The following MRC2 variants were observed in gnomAD, a reference collection of about 807,000 sequenced individuals.
MRC2 encodes mannose receptor C-type 2, also known as C-type mannose receptor 2.
A neutral mutation model predicts 206.2 loss-of-function variants in MRC2; 84 were observed. That is an observed-to-expected ratio of 0.41 (90% CI 0.34 to 0.49). MRC2 has a LOEUF of 0.49. MRC2 is among the 20% of genes least tolerant of loss of function. MRC2 has a pLI of 0.31. For synonymous variants in MRC2, 798 were observed against 800.0 expected (o/e 1.00, Z 0.04); for missense variants, 1,676 against 2,001.5 (o/e 0.84, Z 3.10).
chr17:62,646,844 A>C (rs1307305132), intron 1 of MRC2, among the ~76,000 whole-genome samples: 1 of 152,248 alleles, frequency 6.6e-6, no homozygotes, highest in Non-Finnish European at 1.5e-5. Context: ...TACCAAATAC[A>C]TTAATTGTAG....
Position 62,666,841 on chromosome 17 carries a change from C to G in MRC2, c.944C>G (p.Ser315Trp). The change falls in exon 5 of 30, where the codon TCG becomes TGG. Residue 315 changes from serine (S) to tryptophan (W), a missense_variant. Physicochemically the swap from Ser to Trp is radical, Grantham distance 177. Around this residue, in one of 3 missense-constraint regions of MRC2, gnomAD observed 1,354 missense variants for 1,636.6 expected, o/e 0.83. Transcript: ENST00000303375. This position sits in a 1 kb window ranked among gnomAD's most constrained non-coding sequence, Gnocchi z 5.0. Reference sequence around the variant, plus strand: ...GGAGGCTGGCAGTGGTCGGACAACTCGCCCCTCAAGTACCTCAACTGGGAG... The same window carrying G: ...GGAGGCTGGCAGTGGTCGGACAACTGGCCCCTCAAGTACCTCAACTGGGAG... ...TSGGWQWSDN[S>W]PLKYLNWESD... is the part of the protein sequence containing the mutation. 6.2e-7 allele frequency: 1 copy of G among 1,613,802 alleles called. No individual in the cohort carries two copies. The highest frequency in any genetic ancestry group is 8.5e-7 in the Non-Finnish European group (1 of 1,179,948).
At chr17:62,689,782 C>T in intron 24 of MRC2, 22 bp downstream of exon 24, 2 of 1,534,028 alleles carry the variant, frequency 1.3e-6, no homozygotes, top group African/African-American at 1.4e-5. Context: ...ACACTTTTGC[C>T]CTGGGCCCCA....
chr17:62,676,301 C>T lies in MRC2; in HGVS notation c.1686-82C>T, dbSNP rs560419874. On this transcript the variant is annotated intron_variant, in intron 10 of 29. Coordinates refer to ENST00000303375, the MANE Select transcript of MRC2 (RefSeq NM_006039.5). ...TTATTGGTCGGGTGCAGCACCCGAG[C>T]TCCCACGGTAGGGCGTCTGGCCTGT... The T allele has an allele frequency of 2.3e-5, 36 of 1,553,668 alleles. No individual in the cohort carries two copies. The African/African-American group carries it at 4.2e-4, about 18-fold the overall frequency.
chr17:62,657,924 C>A (rs1048048502), intron 1 of MRC2, among the ~76,000 whole-genome samples: 3 of 152,152 alleles, frequency 2.0e-5, no homozygotes, highest in African/African-American at 7.2e-5. Flanking sequence ...CTGACCCCGG[C>A]TTGGCAGAGT....
intron 1 of MRC2, among the ~76,000 whole-genome samples, chr17:62,629,852 G>A (rs1210162640): frequency 6.6e-6 from 1 of 152,236 alleles, no homozygotes; most frequent in Non-Finnish European, 1.5e-5. Context: ...GTGCTGCTGG[G>A]GGCGAGGCTT....
rs2088838987 is a variant in MRC2 at position 62,672,549 on chromosome 17, C to G, written c.1461+397C>G. ...CAAGCAGGGCTGCACTCTGCCAGCC[C>G]TCGCCCCCAGTGCTCTACCCAGTCC... On this transcript the variant is annotated intron_variant, in intron 8 of 29. Coordinates refer to ENST00000303375, the MANE Select transcript of MRC2 (RefSeq NM_006039.5). The surrounding 1 kb of genome is among the most constrained non-coding windows in gnomAD (Gnocchi z 4.5). 6.6e-6 allele frequency among the ~76,000 whole-genome samples: 1 copy of G among 152,212 alleles called. No individual in the cohort carries two copies. The highest frequency in any genetic ancestry group is 1.5e-5 in the Non-Finnish European group (1 of 68,034).
chr17:62,637,725 T>A (rs186043425), intron 1 of MRC2, among the ~76,000 whole-genome samples: 119 of 152,132 alleles, frequency 7.8e-4, no homozygotes, highest in African/African-American at 2.7e-3. Context: ...CTCACACCTG[T>A]GACCTTCTGA....
chr17:62,673,226 A>T (rs1353940254), intron 8 of MRC2, among the ~76,000 whole-genome samples: 1 of 152,144 alleles, frequency 6.6e-6, no homozygotes, highest in African/African-American at 2.4e-5. Flanking sequence ...CTGCCCTCAG[A>T]ATGGAGCTTA....
At chr17:62,677,139 A>G (rs1338315547) in intron 11 of MRC2, 130 bp from the exon 12 acceptor site, 1 of 708,984 alleles carries the variant, frequency 1.4e-6, no homozygotes, top group Non-Finnish European at 2.3e-6. Flanking sequence ...AACCCCAGAG[A>G]GCATGTCTCT....
At chr17:62,647,126 A>G (rs929557735) in intron 1 of MRC2, among the ~76,000 whole-genome samples, 3 of 152,046 alleles carry the variant, frequency 2.0e-5, no homozygotes, top group African/African-American at 7.2e-5. Flanking sequence ...CTTTCTAGAC[A>G]TTACTTGATT....
Position 62,688,861 on chromosome 17 carries a change from G to A in MRC2, c.3235G>A (p.Ala1079Thr), listed in dbSNP as rs1302719031. The A allele has an allele frequency of 6.2e-7, 1 of 1,611,440 alleles. No homozygotes were observed. The highest frequency in any genetic ancestry group is 1.7e-5 in the Admixed American group (1 of 59,826). ...AGCTCCCTCCCCCCAGACCAGCTGT[G>A]CAGTGGTCCTGCACAGCCCCTCAGC... ...APSGNKPTSCAVVLHSPSAHF... is the reference protein window; with the variant it reads ...APSGNKPTSCTVVLHSPSAHF... Residue 1079 changes from alanine to threonine, a missense_variant, in exon 23 of 30, where the codon GCA (alanine) becomes ACA (threonine). Physicochemically the swap from Ala to Thr is moderately conservative, Grantham distance 58 (BLOSUM62 0). Transcript: ENST00000303375.
At position 62,688,568 on chromosome 17, in the gene MRC2, G is replaced by A; in HGVS notation, c.3129G>A (p.Arg1043=). The A allele has an allele frequency of 6.2e-7, 1 of 1,614,254 alleles. No homozygotes were observed. The highest frequency in any genetic ancestry group is 8.5e-7 in the Non-Finnish European group (1 of 1,180,046). ...DLWIGLHASQ[R]DFQWVEQEPL... Reference sequence around the variant, plus strand: ...GGATTGGCCTCCATGCCTCGCAGAGGGACTTCCAGTGGGTGGAGCAGGAGC... The same window carrying A: ...GGATTGGCCTCCATGCCTCGCAGAGAGACTTCCAGTGGGTGGAGCAGGAGC... The change falls in exon 22 of 30, where the codon AGG becomes AGA. Residue 1043 remains arginine, a synonymous_variant. Coordinates refer to ENST00000303375, the MANE Select transcript of MRC2 (RefSeq NM_006039.5).
At chr17:62,630,623 G>A (rs1255166755) in intron 1 of MRC2, among the ~76,000 whole-genome samples, 1 of 152,154 alleles carries the variant, frequency 6.6e-6, no homozygotes, top group Non-Finnish European at 1.5e-5. Flanking sequence ...GGGAACCCCA[G>A]GGGACCCTTG....
intron 1 of MRC2, among the ~76,000 whole-genome samples, chr17:62,634,746 A>C (rs1192338227): frequency 6.6e-6 from 1 of 151,904 alleles, no homozygotes; most frequent in African/African-American, 2.4e-5. Context: ...ACCTCTTGGG[A>C]ACGCAGCCCA....
chr17:62,660,262 T>C (rs1172736325), intron 1 of MRC2, among the ~76,000 whole-genome samples: 1 of 152,156 alleles, frequency 6.6e-6, no homozygotes, highest in Admixed American at 6.5e-5. Context: ...ATACAGAAAG[T>C]GGCAGTTTTA....
Position 62,638,002 on chromosome 17 carries a change from G to A in MRC2, c.118+10082G>A, listed in dbSNP as rs372787488. Among the ~76,000 whole-genome samples, 18 of 152,114 alleles carry A rather than the reference G, an allele frequency of 1.2e-4. No homozygotes were observed. The East Asian group carries it at 1.9e-3, about 16-fold the overall frequency. ...GCCTTAGCTTCCCAAGTAGCTGGACGACAGGCGGCGCCACCACTCTATTTT... is the reference window on the plus strand; with the variant it reads ...GCCTTAGCTTCCCAAGTAGCTGGACAACAGGCGGCGCCACCACTCTATTTT... On this transcript the variant is annotated intron_variant, in intron 1 of 29. Transcript: ENST00000303375.
Position 62,667,656 on chromosome 17 carries a change from C to T in MRC2, c.1117+123C>T, listed in dbSNP as rs1238876923. The T allele has an allele frequency of 9.4e-7, 1 of 1,060,966 alleles. No individual in the cohort carries two copies. The highest frequency in any genetic ancestry group is 1.7e-5 in the African/African-American group (1 of 60,326). The allele number at this position is 1,060,966 out of a possible 1,614,324, so 65.7% of individuals were successfully genotyped here. A position where few individuals can be genotyped will look rare whatever the true frequency, so the allele number is the denominator to read the frequency against. On this transcript the variant is annotated intron_variant, in intron 6 of 29. Coordinates refer to ENST00000303375, the MANE Select transcript of MRC2 (RefSeq NM_006039.5). The surrounding 1 kb of genome is among the most constrained non-coding windows in gnomAD (Gnocchi z 4.1). Reference sequence around the variant, plus strand: ...CCACAGCACAAGGGGACTCTGGATCCTCTGACTCTTATTTCATTGTTCAGT... The same window carrying T: ...CCACAGCACAAGGGGACTCTGGATCTTCTGACTCTTATTTCATTGTTCAGT...
chr17:62,642,527 A>C (rs1183330852), intron 1 of MRC2, among the ~76,000 whole-genome samples: 1 of 151,990 alleles, frequency 6.6e-6, no homozygotes. Flanking sequence ...GCTCACTGCA[A>C]CCTCCACCTC....
At position 62,636,079 on chromosome 17, in the gene MRC2, G is replaced by A. The variant is rs535208047; in HGVS notation, c.118+8159G>A. Among the ~76,000 whole-genome samples the A allele has an allele frequency of 2.0e-3, 298 of 151,528 alleles. 2 individuals are homozygous for A. Among genetic ancestry groups the A allele is most frequent in the Non-Finnish European group, 3.5e-3 (238 of 67,828 alleles). ...TAGGATTACAGGCGTGAGCCACCGC[G>A]CCCGGCCAATTTTTTTTTTTTTAAA... On this transcript the variant is annotated intron_variant, in intron 1 of 29. Coordinates refer to ENST00000303375, the MANE Select transcript of MRC2 (RefSeq NM_006039.5).
Sources: gnomAD v4.1 joint callset for allele counts (sites outside exome capture counted in the v4.1 genomes callset) on GRCh38, gnomAD v4.1.1 for gene constraint, gnomAD v4.1.1 regional missense constraint, Gnocchi (gnomAD v3.1) non-coding constraint, MANE v1.5 for transcripts, NCBI Gene and HGNC (gene_info 2026-07-23, HGNC 2026-07-21) for gene names.